Variants in SETBP1 observed in about 807,000 individuals in gnomAD.
The protein encoded by SETBP1 is SET-binding protein.
In SETBP1, 9 loss-of-function variants were observed where a neutral mutation model predicts 101.0. That is an observed-to-expected ratio of 0.09 (90% CI 0.05 to 0.16). The LOEUF (loss-of-function observed/expected upper bound fraction) is 0.16. SETBP1 is among the 10% of genes least tolerant of loss of function. SETBP1 has a pLI of 1.00. For synonymous variants in SETBP1, 818 were observed against 788.5 expected, an observed-to-expected ratio of 1.04 and a Z score of -0.63; for missense variants, 1,858 against 2,033.8, an observed-to-expected ratio of 0.91 and a Z score of 1.66.
At chr18:44,803,582 G>A (rs570892784) in intron 2 of SETBP1, among the ~76,000 whole-genome samples, 2 of 151,948 alleles carry the variant, frequency 1.3e-5, no homozygotes, top group East Asian at 3.9e-4. Flanking sequence ...TCCTCTTCCA[G>A]CTTTCCTGTT....
intron 4 of SETBP1, among the ~76,000 whole-genome samples, chr18:44,956,178 A>G (rs1475658859): frequency 6.6e-6 from 1 of 151,964 alleles, no homozygotes; most frequent in Non-Finnish European, 1.5e-5. Flanking sequence ...AAGACAGACC[A>G]GATTCCCCCT....
At chr18:44,699,444 G>A (rs965342964) in intron 1 of SETBP1, among the ~76,000 whole-genome samples, 1 of 152,150 alleles carries the variant, frequency 6.6e-6, no homozygotes, top group African/African-American at 2.4e-5. Context: ...TAAAAATAAT[G>A]TGTATTATTG....
chr18:44,766,807 G>GA (rs1223602775), intron 2 of SETBP1, among the ~76,000 whole-genome samples: 2 of 150,400 alleles, frequency 1.3e-5, no homozygotes, highest in South Asian at 2.1e-4. Flanking sequence ...CCCTGTCTCT[G>GA]AAAAAAAAAG....
chr18:44,899,652 TA>T (rs1238916751), intron 3 of SETBP1, among the ~76,000 whole-genome samples: 3 of 152,182 alleles, frequency 2.0e-5, no homozygotes, highest in African/African-American at 7.2e-5. Context: ...CTGAAATTCT[TA>T]ATCTTTGAAC....
At position 44,739,376 on chromosome 18, in the gene SETBP1, A is replaced by C. The variant is rs16978150; in HGVS notation, c.486+37544A>C. Among the ~76,000 whole-genome samples the C allele has an allele frequency of 0.014, 2,094 of 152,290 alleles. 106 individuals are homozygous for C. The East Asian group carries it at 0.15, about 11-fold the overall frequency. ...TTGGATTAATAAAACATTAACAAACAACTTTACCTTGCCTTTATCTCCTTG... is the reference window on the plus strand; with the variant it reads ...TTGGATTAATAAAACATTAACAAACCACTTTACCTTGCCTTTATCTCCTTG... On this transcript the variant is annotated intron_variant, in intron 2 of 5. Coordinates refer to ENST00000649279, the MANE Select transcript of SETBP1 (RefSeq NM_015559.3).
chr18:45,034,467 G>A (rs2073355598), intron 4 of SETBP1, among the ~76,000 whole-genome samples: 1 of 152,042 alleles, frequency 6.6e-6, no homozygotes, highest in East Asian at 1.9e-4. Context: ...AGTGGTCTAT[G>A]AGAAATTACC....
At chr18:44,979,088 A>C (rs982686653) in intron 4 of SETBP1, among the ~76,000 whole-genome samples, 6 of 152,192 alleles carry the variant, frequency 3.9e-5, no homozygotes, top group African/African-American at 1.4e-4. Flanking sequence ...GAGGTTGAGT[A>C]GGAGACCTCT....
intron 2 of SETBP1, among the ~76,000 whole-genome samples, chr18:44,729,245 C>T (rs1333674457): frequency 6.6e-6 from 1 of 152,182 alleles, no homozygotes; most frequent in African/African-American, 2.4e-5. Flanking sequence ...CAAAGAAGGA[C>T]ATGAGCAGAG....
chr18:44,913,709 T>C (rs2070365081), intron 3 of SETBP1, among the ~76,000 whole-genome samples: 1 of 152,110 alleles, frequency 6.6e-6, no homozygotes, highest in Admixed American at 6.5e-5. Flanking sequence ...TAGTGAGAAG[T>C]GTGTTCATCT....
At chr18:44,892,163 A>G (rs1298703882) in intron 3 of SETBP1, among the ~76,000 whole-genome samples, 3 of 152,192 alleles carry the variant, frequency 2.0e-5, no homozygotes, top group Admixed American at 6.5e-5. Flanking sequence ...AATTATCTCC[A>G]AATTGTTTGT....
intron 3 of SETBP1, among the ~76,000 whole-genome samples, chr18:44,887,558 T>C (rs113135893): frequency 5.3e-5 from 8 of 152,260 alleles, no homozygotes; most frequent in African/African-American, 1.9e-4. Context: ...GATAATGAGA[T>C]GACAAAACAG....
chr18:44,866,630 C>T (rs145180991), intron 2 of SETBP1, among the ~76,000 whole-genome samples: 44 of 152,318 alleles, frequency 2.9e-4, no homozygotes, highest in South Asian at 1.2e-3. Context: ...ACCTTCTGCA[C>T]GCCCAGGGTC....
intron 1 of SETBP1, among the ~76,000 whole-genome samples, chr18:44,685,138 G>A (rs2068815674): frequency 6.6e-6 from 1 of 152,152 alleles, no homozygotes; most frequent in African/African-American, 2.4e-5. Flanking sequence ...TAGAACAAGT[G>A]TAGGCAAAGC....
At chr18:44,949,819 A>C (rs181629604) in intron 3 of SETBP1, 62 bp from the exon 4 acceptor site, 1 of 1,327,804 alleles carries the variant, frequency 7.5e-7, no homozygotes, top group East Asian at 2.3e-5. Context: ...AAGTAGCTTC[A>C]ACATGCTCAT....
At position 45,063,519 on chromosome 18, in the gene SETBP1, C is replaced by CT; in HGVS notation, c.4613dup (p.Pro1539AlafsTer53). ...CCTGCCGCCACCGCCGCCACCACCC[C>CT]TGCCCCCGCCACCCCCTCTACCCAA... On this transcript the variant is annotated frameshift_variant, in exon 6 of 6. Transcript: ENST00000649279. LOFTEE classifies it high-confidence loss of function. 1.5e-6 allele frequency: 2 copies of CT among 1,378,968 alleles called. No individual in the cohort carries two copies. 85.4% of individuals were successfully genotyped at this position (1,378,968 alleles called of 1,614,324 possible). A position where few individuals can be genotyped will look rare whatever the true frequency, so the allele number is the denominator to read the frequency against.
chr18:44,945,813 T>C (rs2071193199), intron 3 of SETBP1, among the ~76,000 whole-genome samples: 1 of 152,208 alleles, frequency 6.6e-6, no homozygotes, highest in Admixed American at 6.5e-5. Flanking sequence ...AAAAAGGAGA[T>C]GTGGTGCATA....
At chr18:44,887,875 A>G (rs1285264999) in intron 3 of SETBP1, among the ~76,000 whole-genome samples, 1 of 152,122 alleles carries the variant, frequency 6.6e-6, no homozygotes, top group Non-Finnish European at 1.5e-5. Context: ...AGATCATGTC[A>G]AGGAGCAACA....
At chr18:44,773,481 T>C (rs1275991003) in intron 2 of SETBP1, among the ~76,000 whole-genome samples, 1 of 152,198 alleles carries the variant, frequency 6.6e-6, no homozygotes, top group Non-Finnish European at 1.5e-5. Flanking sequence ...TGGGGTCTGC[T>C]GGGCACCTCC....
At chr18:44,729,393 C>T (rs578169830) in intron 2 of SETBP1, among the ~76,000 whole-genome samples, 1 of 152,272 alleles carries the variant, frequency 6.6e-6, no homozygotes, top group East Asian at 1.9e-4. Flanking sequence ...CACATGGTGA[C>T]AGAGACAGCA....
Sources: gnomAD v4.1 joint callset for allele counts (sites outside exome capture counted in the v4.1 genomes callset) on GRCh38, gnomAD v4.1.1 for gene constraint, MANE v1.5 for transcripts, NCBI Gene and HGNC (gene_info 2026-07-23, HGNC 2026-07-21) for gene names.